Variants in PRKCB observed in about 807,000 individuals in gnomAD.
The protein encoded by PRKCB is protein kinase C beta type.
A neutral mutation model predicts 81.5 loss-of-function variants in PRKCB; 13 were observed. The ratio of observed to expected loss-of-function variants is 0.16; its 90% CI spans 0.10 to 0.25. The LOEUF is 0.25. Among genes scored for constraint, PRKCB ranks in the 10% least tolerant of loss-of-function variants. The pLI is 1.00. For missense variants in PRKCB, 509 were observed against 875.7 expected, an observed-to-expected ratio of 0.58 and a Z score of 5.29; for synonymous variants, 335 against 321.4, an observed-to-expected ratio of 1.04 and a Z score of -0.45.
chr16:23,957,084 T>A (rs1186992420), intron 2 of PRKCB, among the ~76,000 whole-genome samples: 4 of 150,960 alleles, frequency 2.6e-5, no homozygotes, highest in African/African-American at 7.3e-5. Context: ...AGAAAAAGAT[T>A]AGACAGTTTC....
intron 3 of PRKCB, among the ~76,000 whole-genome samples, chr16:23,989,503 G>A (rs932074132): frequency 2.0e-5 from 3 of 152,120 alleles, no homozygotes; most frequent in African/African-American, 4.8e-5. Context: ...TAGGTAAAAT[G>A]TGCAAAAAAT....
At position 23,846,487 on chromosome 16, in the gene PRKCB, G is replaced by T. The variant is rs561366314; in HGVS notation, c.205+9081G>T. 4.6e-5 allele frequency among the ~76,000 whole-genome samples: 7 copies of T among 151,908 alleles called. No homozygotes were observed. In the South Asian group the frequency reaches 1.0e-3, roughly 23 times the overall value. ...TAGCCAGGTGTGGTGGCATGTGCTT[G>T]TAGTCCCAGCTTCTCGGGAGGCTGA... On this transcript the variant is annotated intron_variant, in intron 2 of 16. Coordinates refer to ENST00000643927, the MANE Select transcript of PRKCB (RefSeq NM_002738.7).
Position 23,875,597 on chromosome 16 carries a change from ATATG to A in PRKCB, c.205+38199_205+38202del, listed in dbSNP as rs1962991110. Among the ~76,000 whole-genome samples, 2 of 104,982 alleles carry A rather than the reference ATATG, an allele frequency of 1.9e-5. 1 individual carries two copies. The allele number at this position is 104,982 out of a possible 152,430, so 68.9% of individuals were successfully genotyped here. A position where few individuals can be genotyped will look rare whatever the true frequency, so the allele number is the denominator to read the frequency against. The stretch of plus-strand genomic sequence containing the variant: ...TCAAACACATATGTATATCACACAC[ATATG>A]TATGTATATCACACACATATATGTA... On this transcript the variant is annotated intron_variant, in intron 2 of 16. Coordinates refer to ENST00000643927, the MANE Select transcript of PRKCB (RefSeq NM_002738.7).
At chr16:23,846,064 T>C (rs1962361806) in intron 2 of PRKCB, among the ~76,000 whole-genome samples, 1 of 152,216 alleles carries the variant, frequency 6.6e-6, no homozygotes, top group Non-Finnish European at 1.5e-5. Context: ...CAACTCTTCA[T>C]TCCTTTGGCT....
chr16:23,836,381 C>T (rs767771504), intron 1 of PRKCB, 33 bp downstream of exon 1: 13 of 1,589,528 alleles, frequency 8.2e-6, no homozygotes, highest in East Asian at 2.4e-5. Context: ...CCTTCCCGGG[C>T]CCCCGAGGGC....
chr16:23,956,039 T>C (rs1303950633), intron 2 of PRKCB, among the ~76,000 whole-genome samples: 1 of 152,218 alleles, frequency 6.6e-6, no homozygotes, highest in Non-Finnish European at 1.5e-5. Flanking sequence ...TAAACAATAT[T>C]TAGGTGTATT....
intron 3 of PRKCB, among the ~76,000 whole-genome samples, chr16:24,001,721 A>C (rs138156436): frequency 2.0e-5 from 3 of 152,338 alleles, no homozygotes; most frequent in African/African-American, 7.2e-5. Flanking sequence ...CTTAAATTTT[A>C]GAGCAACGAA....
chr16:24,198,301 C>G lies in PRKCB; in HGVS notation c.1863+7071C>G, dbSNP rs545903506. On this transcript the variant is annotated intron_variant, in intron 16 of 16. Transcript: ENST00000643927. The stretch of plus-strand genomic sequence containing the variant: ...TGTCACGAATTGGCTTAATGAAGTC[C>G]TGTCACTCTTCCTCTGAAAGGCTCC... 1.4e-4 allele frequency among the ~76,000 whole-genome samples: 21 copies of G among 152,296 alleles called. No individual in the cohort carries two copies. The South Asian group carries it at 2.9e-3, about 21-fold the overall frequency.
chr16:24,156,808 C>G (rs1265025315), intron 10 of PRKCB, among the ~76,000 whole-genome samples: 1 of 152,152 alleles, frequency 6.6e-6, no homozygotes, highest in African/African-American at 2.4e-5. Context: ...CTCCCCTACT[C>G]CCTTACCTTC....
At chr16:24,167,920 A>T (rs530299581) in intron 10 of PRKCB, among the ~76,000 whole-genome samples, 1 of 152,320 alleles carries the variant, frequency 6.6e-6, no homozygotes, top group South Asian at 2.1e-4. Flanking sequence ...TACTTGTCAC[A>T]TTGAGTTTTG....
At chr16:23,849,487 G>A (rs1480537541) in intron 2 of PRKCB, among the ~76,000 whole-genome samples, 6 of 152,116 alleles carry the variant, frequency 3.9e-5, no homozygotes, top group African/African-American at 1.4e-4. Context: ...AGATTTGATC[G>A]TTATTTGGAT....
rs1176097019 is a variant in PRKCB, at chr16:24,110,110, G to GGGGAGAGGGAGA, written c.822-2842_822-2831dup. The stretch of plus-strand genomic sequence containing the variant: ...GGAAAGAGAGGGAGAGGGAGACCGT[G>GGGGAGAGGGAGA]GGGAGAGGGAGAGGGAGAGGGAGAG... On this transcript the variant is annotated intron_variant, in intron 7 of 16. Transcript: ENST00000643927. 4.5e-5 allele frequency among the ~76,000 whole-genome samples: 5 copies of GGGGAGAGGGAGA among 112,104 alleles called. No individual in the cohort carries two copies. The East Asian group carries it at 6.5e-4, about 14-fold the overall frequency. The allele number at this position is 112,104 out of a possible 152,430, so 73.5% of individuals were successfully genotyped here.
intron 9 of PRKCB, among the ~76,000 whole-genome samples, chr16:24,152,248 G>A (rs1306998228): frequency 1.3e-5 from 2 of 152,244 alleles, no homozygotes; most frequent in East Asian, 1.9e-4. Context: ...AGAGCTAAGC[G>A]AAAGGGGAAA....
chr16:24,159,921 G>T (rs1420093921), intron 10 of PRKCB, among the ~76,000 whole-genome samples: 4 of 152,024 alleles, frequency 2.6e-5, no homozygotes, highest in African/African-American at 4.8e-5. Flanking sequence ...GGAGGTCAAG[G>T]CTGCAGTGAG....
chr16:23,895,081 G>T (rs1226533672), intron 2 of PRKCB, among the ~76,000 whole-genome samples: 2 of 152,000 alleles, frequency 1.3e-5, no homozygotes, highest in African/African-American at 4.8e-5. Flanking sequence ...TTAGTTATTT[G>T]ATAATTTTTT....
intron 2 of PRKCB, among the ~76,000 whole-genome samples, chr16:23,853,133 C>G (rs1962501919): frequency 6.6e-6 from 1 of 152,200 alleles, no homozygotes; most frequent in Admixed American, 6.5e-5. Context: ...TCTGTAAATA[C>G]TAGGAAAACT....
chr16:24,100,684 A>G (rs1157318628), intron 7 of PRKCB, among the ~76,000 whole-genome samples: 1 of 152,170 alleles, frequency 6.6e-6, no homozygotes, highest in African/African-American at 2.4e-5. Flanking sequence ...GGCTTCTCCT[A>G]CAATCACCCA....
At chr16:23,943,907 G>T (rs914486472) in intron 2 of PRKCB, among the ~76,000 whole-genome samples, 1 of 152,154 alleles carries the variant, frequency 6.6e-6, no homozygotes. Flanking sequence ...AGATCACATG[G>T]GGAAGGCACC....
intron 14 of PRKCB, 77 bp from the exon 15 acceptor site, chr16:24,185,383 G>A (rs913066617): frequency 5.1e-6 from 7 of 1,374,334 alleles, no homozygotes; most frequent in African/African-American, 1.4e-5. Context: ...CCAGGGAGGA[G>A]GGTCTGCCAG....
Sources: allele counts gnomAD v4.1 joint callset (sites outside exome capture counted in the v4.1 genomes callset), GRCh38; gene constraint gnomAD v4.1.1; transcripts MANE v1.5; gene names NCBI Gene and HGNC (gene_info 2026-07-23, HGNC 2026-07-21).